RRAS2: variants seen among roughly 807,000 people sequenced by gnomAD.
RRAS2 encodes RAS related 2.
A neutral mutation model predicts 27.6 loss-of-function variants in RRAS2; 7 were observed. That is an observed-to-expected ratio of 0.25 (90% CI 0.14 to 0.48). The LOEUF is 0.48. RRAS2 is among the 20% of genes least tolerant of loss of function. The pLI, the probability that RRAS2 is intolerant of heterozygous loss-of-function variation, is 0.99. For synonymous variants in RRAS2, 86 were observed against 90.9 expected (o/e 0.95, Z 0.31); for missense variants, 178 against 256.2 (o/e 0.69, Z 2.08).
At chr11:14,300,710 C>G (rs782645860) in intron 1 of RRAS2, among the ~76,000 whole-genome samples, 2 of 152,088 alleles carry the variant, frequency 1.3e-5, no homozygotes. Context: ...AACAGGAGCT[C>G]GGGCTGGCCT....
intron 1 of RRAS2, among the ~76,000 whole-genome samples, chr11:14,352,758 G>T (rs57439713): frequency 0.036 from 3,876 of 106,334 alleles, 42 homozygotes; most frequent in Middle Eastern, 0.048. Context: ...TATATATATA[G>T]AGAGAGAGAG....
intron 4 of RRAS2, among the ~76,000 whole-genome samples, chr11:14,291,623 G>A (rs561311215): frequency 3.3e-5 from 5 of 151,760 alleles, no homozygotes; most frequent in African/African-American, 1.2e-4. Flanking sequence ...CTGAAATAAG[G>A]AAATCATTTC....
chr11:14,312,690 G>C (rs1848002479), intron 1 of RRAS2, among the ~76,000 whole-genome samples: 1 of 152,202 alleles, frequency 6.6e-6, no homozygotes, highest in African/African-American at 2.4e-5. Flanking sequence ...CAAAGTGTTG[G>C]GATTACAGGT....
intron 4 of RRAS2, among the ~76,000 whole-genome samples, chr11:14,281,937 A>T (rs1481575223): frequency 6.6e-6 from 1 of 152,258 alleles, no homozygotes; most frequent in Non-Finnish European, 1.5e-5. Flanking sequence ...GCCTACAACA[A>T]TATTTCCAAA....
At chr11:14,288,226 G>A (rs899284025) in intron 4 of RRAS2, among the ~76,000 whole-genome samples, 3 of 152,150 alleles carry the variant, frequency 2.0e-5, no homozygotes, top group Admixed American at 2.0e-4. Flanking sequence ...GGATCTGCCT[G>A]CCTTGGCCTC....
chr11:14,317,535 G>A (rs968170706), intron 1 of RRAS2, among the ~76,000 whole-genome samples: 1 of 152,154 alleles, frequency 6.6e-6, no homozygotes, highest in Non-Finnish European at 1.5e-5. Flanking sequence ...AGCCAAGACC[G>A]TGCCATTGCA....
At chr11:14,283,289 C>CCT (rs1591440889) in intron 4 of RRAS2, among the ~76,000 whole-genome samples, 1 of 152,110 alleles carries the variant, frequency 6.6e-6, no homozygotes, top group East Asian at 1.9e-4. Context: ...ATATATTGCC[C>CCT]TTTTTATATA....
rs1352345706 is a variant in RRAS2, at chr11:14,358,921, G to A, written c.-51C>T. 8.0e-7 allele frequency: 1 copy of A among 1,249,704 alleles called. No individual in the cohort carries two copies. Among genetic ancestry groups the A allele is most frequent in the Non-Finnish European group, 1.0e-6 (1 of 989,826 alleles). The allele number at this position is 1,249,704 out of a possible 1,614,324, so 77.4% of individuals were successfully genotyped here. A position where few individuals can be genotyped will look rare whatever the true frequency, so the allele number is the denominator to read the frequency against. ...CTGCGCCGAGCCGCCGCTGCCGCCC[G>A]CCCTAGGCCCGGCTCCGGGGACGTG... is the stretch of plus-strand genomic sequence containing the variant. On this transcript the variant is annotated 5_prime_UTR_variant, in exon 1 of 6. Coordinates refer to ENST00000256196, the MANE Select transcript of RRAS2 (RefSeq NM_012250.6). The surrounding 1 kb of genome is among the most constrained non-coding windows in gnomAD (Gnocchi z 5.1).
At chr11:14,338,056 G>A (rs549141577) in intron 1 of RRAS2, among the ~76,000 whole-genome samples, 2 of 152,180 alleles carry the variant, frequency 1.3e-5, no homozygotes, top group Non-Finnish European at 2.9e-5. Flanking sequence ...ACTGTAAAAT[G>A]TATATAGTGA....
intron 1 of RRAS2, among the ~76,000 whole-genome samples, chr11:14,310,950 C>A (rs1847950054): frequency 6.6e-6 from 1 of 152,184 alleles, no homozygotes; most frequent in Non-Finnish European, 1.5e-5. Context: ...AAGAACCATC[C>A]CACAGAGGAA....
chr11:14,293,124 A>AATATATAT (rs781860601), intron 4 of RRAS2, among the ~76,000 whole-genome samples: 3,245 of 76,402 alleles, frequency 0.042, 174 homozygotes, highest in African/African-American at 0.061. Context: ...AAACAAAACA[A>AATATATAT]ATATATATAT....
chr11:14,280,394 T>C (rs1441832161), intron 5 of RRAS2, among the ~76,000 whole-genome samples: 1 of 151,986 alleles, frequency 6.6e-6, no homozygotes, highest in African/African-American at 2.4e-5. Flanking sequence ...AGCTAATAAG[T>C]AGAAGATCAT....
intron 4 of RRAS2, among the ~76,000 whole-genome samples, chr11:14,293,613 A>C (rs1195887828): frequency 6.6e-6 from 1 of 151,998 alleles, no homozygotes; most frequent in African/African-American, 2.4e-5. Flanking sequence ...GTTTCCCTGC[A>C]CACTCTCTCT....
chr11:14,280,520 G>T (rs1437607961), intron 5 of RRAS2, among the ~76,000 whole-genome samples: 1 of 151,826 alleles, frequency 6.6e-6, no homozygotes, highest in African/African-American at 2.4e-5. Context: ...GAGGTCAGGA[G>T]TTCGAGACCA....
intron 1 of RRAS2, among the ~76,000 whole-genome samples, chr11:14,312,473 G>C (rs954110504): frequency 6.6e-6 from 1 of 152,132 alleles, no homozygotes. Context: ...GCACTGAAGT[G>C]CAGTGGCCCG....
upstream of RRAS2, among the ~76,000 whole-genome samples, chr11:14,363,403 G>A (rs181428640): frequency 1.1e-4 from 17 of 152,228 alleles, no homozygotes; most frequent in Admixed American, 1.3e-4. Context: ...GAAGAAACTG[G>A]GCTCCTCCCC....
intron 1 of RRAS2, among the ~76,000 whole-genome samples, chr11:14,354,672 CTTTTTTTTTTT>C (rs35556947): frequency 1.8e-5 from 2 of 110,442 alleles, no homozygotes; most frequent in Admixed American, 2.3e-4. Context: ...GTAACAATTT[CTTTTTTTTTTT>C]TTTTTTTTTT....
At chr11:14,359,665 T>C (rs1849162374), upstream of RRAS2, among the ~76,000 whole-genome samples, 1 of 152,104 alleles carries the variant, frequency 6.6e-6, no homozygotes, top group Admixed American at 6.6e-5. Context: ...AATAAGTCAG[T>C]GATTGAGCTT....
In RRAS2 at chr11:14,287,035, ACACTCT is replaced by A. The variant is rs1849678299; in HGVS notation, c.409-5321_409-5316del. On this transcript the variant is annotated intron_variant, in intron 4 of 5. Coordinates refer to ENST00000256196, the MANE Select transcript of RRAS2 (RefSeq NM_012250.6). ...ATGTCATCCCTTCTCTCTCAACTCT[ACACTCT>A]CAAATTCTTCCTCACTAACCTTTCA... 2.6e-5 allele frequency among the ~76,000 whole-genome samples: 4 copies of A among 152,190 alleles called. No individual in the cohort carries two copies. The South Asian group carries it at 8.3e-4, about 32-fold the overall frequency.
Sources: allele counts gnomAD v4.1 joint callset (sites outside exome capture counted in the v4.1 genomes callset), GRCh38; gene constraint gnomAD v4.1.1; non-coding constraint Gnocchi (gnomAD v3.1); transcripts MANE v1.5; gene names NCBI Gene and HGNC (gene_info 2026-07-23, HGNC 2026-07-21).